Variants in SPEG observed in about 807,000 individuals in gnomAD.
The protein encoded by SPEG is striated muscle enriched protein kinase.
SPEG carries 114 observed loss-of-function variants against 300.4 expected under a neutral mutation model. That is an observed-to-expected ratio of 0.38 (90% CI 0.33 to 0.44). The LOEUF is 0.44. SPEG is among the 20% of genes least tolerant of loss of function. SPEG has a pLI of 1.00. For synonymous variants in SPEG, 1,964 were observed against 2,018.9 expected (o/e 0.97, Z 0.73); for missense variants, 4,201 against 4,586.2 (o/e 0.92, Z 2.43).
Position 219,436,364 on chromosome 2 carries a change from G to A in SPEG, c.388+999G>A, listed in dbSNP as rs535942967. On this transcript the variant is annotated intron_variant, in intron 1 of 40. Transcript: ENST00000312358. ...CCTCAGTCCTTGAGTAAGCCAAGTG[G>A]TACTTCTCTAGCCAAAGGCAGAGCC... Among the ~76,000 whole-genome samples the A allele has an allele frequency of 4.6e-5, 7 of 152,350 alleles. No individual in the cohort carries two copies. The South Asian group carries it at 1.4e-3, about 32-fold the overall frequency.
intron 1 of SPEG, among the ~76,000 whole-genome samples, chr2:219,436,540 A>C (rs990482352): frequency 6.6e-6 from 1 of 152,150 alleles, no homozygotes; most frequent in African/African-American, 2.4e-5. Flanking sequence ...AAATCCTTGG[A>C]GGCTGGGGAG....
chr2:219,443,931 ACG>A lies in SPEG; in HGVS notation c.389-720_389-719del. ...GACACCTCTGGGGACTGGGTGCCTCACGCCCCTTCTGTCTTGACTGCCCTCCA... is the reference window on the plus strand; with the variant it reads ...GACACCTCTGGGGACTGGGTGCCTCACCCCTTCTGTCTTGACTGCCCTCCA... On this transcript the variant is annotated intron_variant, in intron 1 of 40. Coordinates refer to ENST00000312358, the MANE Select transcript of SPEG (RefSeq NM_005876.5). This position sits in a 1 kb window ranked among gnomAD's most constrained non-coding sequence, Gnocchi z 4.6. 9.7e-7 allele frequency: 1 copy of A among 1,035,384 alleles called. No homozygotes were observed. Among genetic ancestry groups the A allele is most frequent in the South Asian group, 1.3e-5 (1 of 76,070 alleles). 64.1% of individuals were successfully genotyped at this position (1,035,384 alleles called of 1,614,324 possible).
At chr2:219,460,588 G>A in intron 6 of SPEG, 1 of 985,458 alleles carries the variant, frequency 1.0e-6, no homozygotes, top group Non-Finnish European at 1.2e-6. Context: ...GTCTGAAGCT[G>A]TAAGGAGAAG....
chr2:219,453,897 GGGGTGGTCCCAGGCCT>G (rs1209968529), intron 6 of SPEG, among the ~76,000 whole-genome samples: 1 of 152,210 alleles, frequency 6.6e-6, no homozygotes, highest in Admixed American at 6.5e-5. Context: ...CATCTGGCAA[GGGGTGGTCCCAGGCCT>G]GGAGTCTGCA....
Position 219,483,754 on chromosome 2 carries a change from C to A in SPEG, c.6291C>A (p.Gly2097=). 1 of 1,542,594 alleles carries A rather than the reference C, an allele frequency of 6.5e-7. No homozygotes were observed. Among genetic ancestry groups the A allele is most frequent in the East Asian group, 2.4e-5 (1 of 41,512 alleles). The change falls in exon 30 of 41, where the codon GGC becomes GGA. Residue 2097 remains glycine (G), a synonymous_variant. Coordinates refer to ENST00000312358, the MANE Select transcript of SPEG (RefSeq NM_005876.5). Reference sequence around the variant, plus strand: ...GTCCCCTGCTGGAGAGCCTGGGGGGCCGTGCTCGGGACCCCCGGATGGCAC... The same window carrying A: ...GTCCCCTGCTGGAGAGCCTGGGGGGACGTGCTCGGGACCCCCGGATGGCAC... The part of the protein sequence containing the change: ...LRGPLLESLG[G]RARDPRMARA...
chr2:219,445,746 T>C lies in SPEG; in HGVS notation c.815+585T>C, dbSNP rs1429949251. The C allele has an allele frequency of 2.1e-5, 1 of 48,534 alleles. No individual in the cohort carries two copies. Among genetic ancestry groups the C allele is most frequent in the African/African-American group, 8.4e-5 (1 of 11,950 alleles). The allele number at this position is 48,534 out of a possible 1,614,324, so 3.0% of individuals were successfully genotyped here. On this transcript the variant is annotated intron_variant, in intron 3 of 40. Transcript: ENST00000312358. This position sits in a 1 kb window ranked among gnomAD's most constrained non-coding sequence, Gnocchi z 6.1. ...AAAGCAGGAGGCCATGGGCTGGGGG[T>C]GGCAGGGGGCTGGGAAAGGGAGGGG...
chr2:219,481,928 GAC>G lies in SPEG; in HGVS notation c.5565+249_5565+250del. On this transcript the variant is annotated intron_variant, in intron 28 of 40. Transcript: ENST00000312358. This position sits in a 1 kb window ranked among gnomAD's most constrained non-coding sequence, Gnocchi z 5.4. ...TACTGGACTCCAGGGCATACGTCTG[GAC>G]CTCTCCATCCTGGGCGTCCTCAGTG... 1 of 593,628 alleles carries G rather than the reference GAC, an allele frequency of 1.7e-6. No individual in the cohort carries two copies. The highest frequency in any genetic ancestry group is 2.0e-5 in the South Asian group (1 of 50,586). The allele number at this position is 593,628 out of a possible 1,614,324, so 36.8% of individuals were successfully genotyped here. A position where few individuals can be genotyped will look rare whatever the true frequency, so the allele number is the denominator to read the frequency against.
rs367670112 is a variant in SPEG at position 219,460,316 on chromosome 2, A to G, written c.2441-1566A>G. The G allele has an allele frequency of 1.6e-5, 16 of 985,300 alleles. No homozygotes were observed. The African/African-American group carries it at 2.8e-4, about 17-fold the overall frequency. The allele number at this position is 985,300 out of a possible 1,614,324, so 61.0% of individuals were successfully genotyped here. On this transcript the variant is annotated intron_variant, in intron 6 of 40. Coordinates refer to ENST00000312358, the MANE Select transcript of SPEG (RefSeq NM_005876.5). ...TCTCCGATTTTCGGGGCCAAAGAAA[A>G]CAGGTATGCCCTGGCTCTGTAGTAT...
rs1693803241 is a variant in SPEG at position 219,489,854 on chromosome 2, C to T, written c.8836C>T (p.Pro2946Ser). 1.2e-6 allele frequency: 2 copies of T among 1,612,074 alleles called. No homozygotes were observed. The highest frequency in any genetic ancestry group is 8.5e-7 in the Non-Finnish European group (1 of 1,178,890). Reference sequence around the variant, plus strand: ...GGTGGTCAGCTCCCCTGGGAGCAGTCCCCGAAGCTCTCCCAGGCCTGAGGG... The same window carrying T: ...GGTGGTCAGCTCCCCTGGGAGCAGTTCCCGAAGCTCTCCCAGGCCTGAGGG... ...KEVVSSPGSS[P>S]RSSPRPEGTT... Residue 2946 changes from proline to serine, a missense_variant, in exon 36 of 41, where the codon CCC becomes TCC. Physicochemically the swap from Pro to Ser is moderately conservative, Grantham distance 74. Around this residue, in one of 4 missense-constraint regions of SPEG, gnomAD observed 1,578 missense variants for 1,506.0 expected, o/e 1.05. Transcript: ENST00000312358.
chr2:219,442,517 C>G (rs1255893581), intron 1 of SPEG, among the ~76,000 whole-genome samples: 4 of 151,064 alleles, frequency 2.6e-5, no homozygotes, highest in Non-Finnish European at 5.9e-5. Flanking sequence ...CACGGATCCG[C>G]GCTGAGCTCA....
chr2:219,491,707 C>T (rs931974216), intron 38 of SPEG, 87 bp from the exon 39 acceptor site: 6 of 1,015,836 alleles, frequency 5.9e-6, no homozygotes, highest in Non-Finnish European at 9.1e-6. Context: ...GGACATTGTC[C>T]TGCTGCTCAA....
Position 219,472,925 on chromosome 2 carries a change from G to C in SPEG, c.3976G>C (p.Val1326Leu). 6.2e-7 allele frequency: 1 copy of C among 1,613,012 alleles called. No homozygotes were observed. The highest frequency in any genetic ancestry group is 8.5e-7 in the Non-Finnish European group (1 of 1,179,434). The part of the protein sequence containing the change: ...DSLTYTVQHQ[V>L]LGSDQWTALV... ...CCTGACGTACACAGTGCAGCACCAG[G>C]TGCTGGGCTCGGACCAGTGGACGGC... Residue 1326 changes from valine (V) to leucine (L), a missense_variant, in exon 16 of 41, where the codon GTG becomes CTG. Around this residue, in one of 4 missense-constraint regions of SPEG, gnomAD observed 1,047 missense variants for 1,356.8 expected, o/e 0.77. Transcript: ENST00000312358.
rs71040459 is a variant in SPEG, at chr2:219,463,392, A to AT, written c.2706-1003dup. On this transcript the variant is annotated intron_variant, in intron 8 of 40. Transcript: ENST00000312358. ...AATTGATTGTCTGGTCCCCACTGTG[A>AT]TTTTTTTTTTTTTTTTTTTTTTTTT... Among the ~76,000 whole-genome samples the AT allele has an allele frequency of 4.6e-3, 109 of 23,946 alleles. 37 individuals carry two copies. The highest frequency in any genetic ancestry group is 0.01 in the East Asian group (4 of 392). The allele number at this position is 23,946 out of a possible 152,430, so 15.7% of individuals were successfully genotyped here. A position where few individuals can be genotyped will look rare whatever the true frequency, so the allele number is the denominator to read the frequency against.
intron 6 of SPEG, chr2:219,461,524 G>A (rs1227451020): frequency 1.8e-6 from 2 of 1,128,810 alleles, no homozygotes; most frequent in Non-Finnish European, 2.2e-6. Context: ...GCAGTTGGTA[G>A]TTTAGGTCTC....
intron 31 of SPEG, 64 bp downstream of exon 31, chr2:219,485,541 G>A (rs1693331127): frequency 6.8e-7 from 1 of 1,476,290 alleles, no homozygotes; most frequent in East Asian, 2.5e-5. Context: ...CCCCATCAGG[G>A]AGCAGTCATG....
chr2:219,467,150 C>A (rs773672002), intron 9 of SPEG, 24 bp from the exon 10 acceptor site: 11 of 1,554,286 alleles, frequency 7.1e-6, no homozygotes, highest in African/African-American at 4.0e-5. Flanking sequence ...CTGTGCGTGG[C>A]CCCCGTGGCT....
chr2:219,486,147 C>T (rs1036920742), intron 31 of SPEG, among the ~76,000 whole-genome samples: 2 of 152,278 alleles, frequency 1.3e-5, no homozygotes, highest in African/African-American at 4.8e-5. Flanking sequence ...GAGCTCTTTG[C>T]TAGCTCTTTG....
intron 9 of SPEG, chr2:219,466,137 C>A: frequency 6.4e-7 from 1 of 1,555,404 alleles, no homozygotes; most frequent in South Asian, 1.2e-5. Context: ...TCTCGGACCT[C>A]GCTGTGTTTC....
intron 6 of SPEG, among the ~76,000 whole-genome samples, chr2:219,455,150 G>A (rs888103557): frequency 2.3e-4 from 35 of 152,198 alleles, no homozygotes; most frequent in Non-Finnish European, 1.3e-4. Flanking sequence ...CACTTATTGA[G>A]TGCTTCATAT....
Sources: gnomAD v4.1 joint callset for allele counts (sites outside exome capture counted in the v4.1 genomes callset) on GRCh38, gnomAD v4.1.1 for gene constraint, gnomAD v4.1.1 regional missense constraint, Gnocchi (gnomAD v3.1) non-coding constraint, MANE v1.5 for transcripts, NCBI Gene and HGNC (gene_info 2026-07-23, HGNC 2026-07-21) for gene names.